Variants in COL26A1 observed in about 807,000 individuals in gnomAD.
COL26A1 encodes collagen type XXVI alpha 1 chain, also known as collagen alpha-1(XXVI) chain.
COL26A1 carries 41 observed loss-of-function variants against 59.3 expected under a neutral mutation model. The observed-to-expected ratio is 0.69, with a 90% CI of 0.54 to 0.90. COL26A1 has a LOEUF of 0.90. Ranked by LOEUF, COL26A1 falls within the 40% of genes least tolerant of loss-of-function variation. The pLI is 0.00. For synonymous variants in COL26A1, 266 were observed against 256.0 expected, an observed-to-expected ratio of 1.04 and a Z score of -0.37; for missense variants, 612 against 602.3, an observed-to-expected ratio of 1.02 and a Z score of -0.17.
Position 101,557,866 on chromosome 7 carries a change from C to T in COL26A1, c.*336C>T, listed in dbSNP as rs183231164. ...TAACTGGCCCTGTCCAGGGAACTTT[C>T]GTTACGTTGTCTCATTATTTAACCC... On this transcript the variant is annotated 3_prime_UTR_variant, in exon 13 of 13. Transcript: ENST00000313669. 2 of 221,824 alleles carry T rather than the reference C, an allele frequency of 9.0e-6. No homozygotes were observed. The highest frequency in any genetic ancestry group is 8.8e-5 in the East Asian group (1 of 11,400). 13.7% of individuals were successfully genotyped at this position (221,824 alleles called of 1,614,324 possible).
At chr7:101,432,470 G>A (rs1792805033) in intron 2 of COL26A1, among the ~76,000 whole-genome samples, 1 of 149,332 alleles carries the variant, frequency 6.7e-6, no homozygotes, top group Non-Finnish European at 1.5e-5. Context: ...TTCCTGGCTT[G>A]AGCAGTTGGC....
At chr7:101,556,898 TG>T (rs1475784721) in intron 12 of COL26A1, among the ~76,000 whole-genome samples, 68 of 144,272 alleles carry the variant, frequency 4.7e-4, no homozygotes, top group African/African-American at 1.6e-3. Context: ...ACTGAGTGGA[TG>T]GATGGATGGA....
chr7:101,457,131 A>G (rs1584423738), intron 3 of COL26A1, among the ~76,000 whole-genome samples: 1 of 152,128 alleles, frequency 6.6e-6, no homozygotes, highest in Non-Finnish European at 1.5e-5. Flanking sequence ...GGATGCCATC[A>G]TAGGGGTGTG....
intron 1 of COL26A1, among the ~76,000 whole-genome samples, chr7:101,369,210 C>G (rs994174802): frequency 6.6e-6 from 1 of 151,938 alleles, no homozygotes; most frequent in Non-Finnish European, 1.5e-5. Context: ...AGTTCGAGAC[C>G]AGCCTGGCCA....
At chr7:101,455,751 C>T (rs1302811477) in intron 3 of COL26A1, among the ~76,000 whole-genome samples, 1 of 152,088 alleles carries the variant, frequency 6.6e-6, no homozygotes, top group Non-Finnish European at 1.5e-5. Flanking sequence ...GGCGTGATCT[C>T]AGCTCACTGC....
chr7:101,421,876 G>A (rs1159831431), intron 2 of COL26A1, among the ~76,000 whole-genome samples: 2 of 152,140 alleles, frequency 1.3e-5, no homozygotes, highest in Non-Finnish European at 2.9e-5. Flanking sequence ...TTGCCAAATG[G>A]TGATTTCCTA....
chr7:101,462,460 G>T (rs1195713599), intron 3 of COL26A1, among the ~76,000 whole-genome samples: 1 of 152,002 alleles, frequency 6.6e-6, no homozygotes, highest in Non-Finnish European at 1.5e-5. Flanking sequence ...GGGATTATAG[G>T]TGTGTACCAC....
chr7:101,478,691 G>A (rs1486142866), intron 3 of COL26A1, among the ~76,000 whole-genome samples: 4 of 152,080 alleles, frequency 2.6e-5, no homozygotes, highest in African/African-American at 9.7e-5. Context: ...AAAATGTTAT[G>A]GGTATGGCTA....
Position 101,544,091 on chromosome 7 carries a change from C to T in COL26A1, c.698C>T (p.Pro233Leu), listed in dbSNP as rs573223764. Reference protein sequence around the residue: ...GQTGEKGPAGPPGLLGPPGPR... With the variant: ...GQTGEKGPAGLPGLLGPPGPR... Reference sequence around the variant, plus strand: ...ACAGGAGAGAAGGGTCCAGCGGGGCCGCCTGGTAAGAAAACCCCCCACATA... The same window carrying T: ...ACAGGAGAGAAGGGTCCAGCGGGGCTGCCTGGTAAGAAAACCCCCCACATA... Residue 233 changes from proline (P) to leucine (L), a missense_variant, in exon 6 of 13, where the codon CCG becomes CTG. Physicochemically the swap from Pro to Leu is moderately conservative, Grantham distance 98. Coordinates refer to ENST00000313669, the MANE Select transcript of COL26A1 (RefSeq NM_001278563.3). 2.6e-5 allele frequency: 41 copies of T among 1,599,642 alleles called. No homozygotes were observed. The highest frequency in any genetic ancestry group is 9.1e-5 in the South Asian group (8 of 88,214).
At chr7:101,439,439 A>G (rs1394238991) in intron 2 of COL26A1, among the ~76,000 whole-genome samples, 1 of 151,642 alleles carries the variant, frequency 6.6e-6, no homozygotes, top group Non-Finnish European at 1.5e-5. Flanking sequence ...CTGTAATCCC[A>G]GCTACTCGAG....
intron 1 of COL26A1, among the ~76,000 whole-genome samples, chr7:101,395,014 A>C (rs1791824111): frequency 6.6e-6 from 1 of 151,168 alleles, no homozygotes; most frequent in Non-Finnish European, 1.5e-5. Flanking sequence ...CTGTGATTAC[A>C]GGTGCCTGCC....
intron 2 of COL26A1, among the ~76,000 whole-genome samples, chr7:101,446,747 T>G (rs930170324): frequency 1.3e-5 from 2 of 151,634 alleles, no homozygotes. Flanking sequence ...CTCCGGAGGC[T>G]GAGGCAGGAG....
intron 3 of COL26A1, among the ~76,000 whole-genome samples, chr7:101,491,172 G>A (rs1452413889): frequency 2.6e-5 from 4 of 151,926 alleles, no homozygotes; most frequent in East Asian, 3.9e-4. Flanking sequence ...CCCCCTGCAC[G>A]GCATGGTCAG....
rs34061057 is a variant in COL26A1 at position 101,376,137 on chromosome 7, C to CA, written c.158+12963dup. 2.9e-3 allele frequency among the ~76,000 whole-genome samples: 390 copies of CA among 132,372 alleles called. 1 individual carries two copies. Among genetic ancestry groups the CA allele is most frequent in the East Asian group, 9.2e-3 (38 of 4,124 alleles). 86.8% of individuals were successfully genotyped at this position (132,372 alleles called of 152,430 possible). ...GCAATATAGCAAGACCCTGTATCTA[C>CA]AAAAAAAAAAAAAAAAGAATAGAAA... On this transcript the variant is annotated intron_variant, in intron 1 of 12. Transcript: ENST00000313669.
intron 2 of COL26A1, among the ~76,000 whole-genome samples, chr7:101,425,825 A>AT (rs1792633308): frequency 7.3e-6 from 1 of 137,316 alleles, no homozygotes; most frequent in African/African-American, 2.9e-5. Flanking sequence ...TTCTTAGCAT[A>AT]ATTTTTTTTT....
chr7:101,443,172 C>T (rs553051766), intron 2 of COL26A1, among the ~76,000 whole-genome samples: 3 of 152,166 alleles, frequency 2.0e-5, no homozygotes, highest in African/African-American at 7.2e-5. Flanking sequence ...TCTGCCACCT[C>T]TTTCCAACCC....
chr7:101,449,135 C>T (rs141240811), intron 3 of COL26A1, among the ~76,000 whole-genome samples: 11 of 152,296 alleles, frequency 7.2e-5, no homozygotes, highest in Non-Finnish European at 1.5e-4. Context: ...CCAGGGCTGA[C>T]TTGGACCCTT....
At chr7:101,445,287 A>C (rs1793159101) in intron 2 of COL26A1, among the ~76,000 whole-genome samples, 1 of 152,214 alleles carries the variant, frequency 6.6e-6, no homozygotes, top group Non-Finnish European at 1.5e-5. Flanking sequence ...TTGTGTTGCT[A>C]TAAAGAAATA....
chr7:101,543,963 C>T, intron 5 of COL26A1, 35 bp from the exon 6 acceptor site: 1 of 1,476,096 alleles, frequency 6.8e-7, no homozygotes, highest in Non-Finnish European at 9.2e-7. Flanking sequence ...TGGGGGTCCA[C>T]CATGTTCTGA....
Sources: allele counts gnomAD v4.1 joint callset (sites outside exome capture counted in the v4.1 genomes callset), GRCh38; gene constraint gnomAD v4.1.1; transcripts MANE v1.5; gene names NCBI Gene and HGNC (gene_info 2026-07-23, HGNC 2026-07-21).